The following KIF1C variants were observed in gnomAD, a reference collection of about 807,000 sequenced individuals.
KIF1C encodes kinesin family member 1C.
A neutral mutation model predicts 126.5 loss-of-function variants in KIF1C; 61 were observed. The observed-to-expected ratio is 0.48, with a 90% CI of 0.39 to 0.60. The LOEUF (loss-of-function observed/expected upper bound fraction) is 0.60, where lower values mean the gene tolerates loss of function less well. Ranked by LOEUF, KIF1C falls within the 20% of genes least tolerant of loss-of-function variation. The pLI, the probability that KIF1C is intolerant of heterozygous loss-of-function variation, is 0.00. For synonymous variants in KIF1C, 640 were observed against 580.6 expected (o/e 1.10, Z -1.47); for missense variants, 1,315 against 1,489.2 (o/e 0.88, Z 1.93).
In KIF1C at chr17:5,025,761, A is replaced by G. The variant is rs1328081584; in HGVS notation, c.*1610A>G. 1 of 152,246 alleles carries G rather than the reference A, an allele frequency of 6.6e-6. No individual in the cohort carries two copies. The highest frequency in any genetic ancestry group is 1.9e-4 in the East Asian group (1 of 5,188). The allele number at this position is 152,246 out of a possible 1,614,324, so 9.4% of individuals were successfully genotyped here. ...CATGAACCTGGGAGGCGGAGCTTGC[A>G]GTGAGCTGAGATTGCGCCACTGCAC... On this transcript the variant is annotated 3_prime_UTR_variant, in exon 23 of 23. Coordinates refer to ENST00000320785, the MANE Select transcript of KIF1C (RefSeq NM_006612.6).
At chr17:5,002,150 C>T (rs1360466673) in intron 6 of KIF1C, 26 bp downstream of exon 6, 1 of 1,605,408 alleles carries the variant, frequency 6.2e-7, no homozygotes, top group East Asian at 2.2e-5. Context: ...GGTGGCAGGG[C>T]TGAGAGGGGT....
Position 5,024,212 on chromosome 17 carries a change from G to T in KIF1C, c.*61G>T. ...CTTGCTAGGAGAAGGGAAGACGCCCGAGACGCTGCTTCCCCAGAAGTGCTG... is the reference window on the plus strand; with the variant it reads ...CTTGCTAGGAGAAGGGAAGACGCCCTAGACGCTGCTTCCCCAGAAGTGCTG... On this transcript the variant is annotated 3_prime_UTR_variant, in exon 23 of 23. Transcript: ENST00000320785. 8.2e-7 allele frequency: 1 copy of T among 1,218,104 alleles called. No homozygotes were observed. Among genetic ancestry groups the T allele is most frequent in the South Asian group, 1.4e-5 (1 of 71,726 alleles). The allele number at this position is 1,218,104 out of a possible 1,614,324, so 75.5% of individuals were successfully genotyped here.
At chr17:5,016,169 G>A (rs1286741854) in intron 18 of KIF1C, among the ~76,000 whole-genome samples, 8 of 148,412 alleles carry the variant, frequency 5.4e-5, no homozygotes, top group East Asian at 2.0e-4. Context: ...ATGGAGTCTC[G>A]CTGTGTCGTC....
Position 5,027,369 on chromosome 17 carries a change from ATCC to A in KIF1C, c.*3219_*3221del. 1 of 152,150 alleles carries A rather than the reference ATCC, an allele frequency of 6.6e-6. No individual in the cohort carries two copies. The highest frequency in any genetic ancestry group is 1.5e-5 in the Non-Finnish European group (1 of 68,042). 9.4% of individuals were successfully genotyped at this position (152,150 alleles called of 1,614,324 possible). On this transcript the variant is annotated 3_prime_UTR_variant, in exon 23 of 23. Transcript: ENST00000320785. ...GGTTTCGAATTCCTGACCTCAGGTGATCCACCCGCCTCTGCCTCCCAAAATGTT... is the reference window on the plus strand; with the variant it reads ...GGTTTCGAATTCCTGACCTCAGGTGAACCCGCCTCTGCCTCCCAAAATGTT...
rs755651054 is a variant in KIF1C, at chr17:5,023,874, A to G, written c.3035A>G (p.His1012Arg). ...PLQPPEEVTPHPATPARRPPS... is the reference protein window; with the variant it reads ...PLQPPEEVTPRPATPARRPPS... The stretch of plus-strand genomic sequence containing the variant: ...CAACCCCCTGAGGAGGTCACTCCCC[A>G]TCCAGCCACCCCTGCCCGCCGGCCT... The change falls in exon 23 of 23, where the codon CAT becomes CGT. Residue 1012 changes from histidine (H) to arginine (R), a missense_variant. Physicochemically the swap from His to Arg is conservative, Grantham distance 29. This residue lies in a region of KIF1C where 441 missense variants were observed against 436.1 expected (regional missense o/e 1.01). Transcript: ENST00000320785. The surrounding 1 kb of genome is among the most constrained non-coding windows in gnomAD (Gnocchi z 4.2). The G allele has an allele frequency of 1.9e-5, 29 of 1,531,928 alleles. No homozygotes were observed. The highest frequency in any genetic ancestry group is 2.5e-5 in the Non-Finnish European group (28 of 1,138,936). The allele number at this position is 1,531,928 out of a possible 1,614,324, so 94.9% of individuals were successfully genotyped here. A position where few individuals can be genotyped will look rare whatever the true frequency, so the allele number is the denominator to read the frequency against.
Position 5,020,579 on chromosome 17 carries a change from C to A in KIF1C, c.1838C>A (p.Pro613Gln). 6.2e-7 allele frequency: 1 copy of A among 1,614,254 alleles called. No individual in the cohort carries two copies. ...ARLERERGVP[P>Q]PPGPPSEPVD... ...CTGGAACGGGAACGAGGGGTCCCCC[C>A]ACCCCCAGGACCGCCCTCTGAGCCA... The change falls in exon 20 of 23, where the codon CCA becomes CAA. Residue 613 changes from proline (P) to glutamine (Q), a missense_variant. Physicochemically the swap from Pro to Gln is moderately conservative, Grantham distance 76. Transcript: ENST00000320785. This position sits in a 1 kb window ranked among gnomAD's most constrained non-coding sequence, Gnocchi z 5.8.
At position 5,028,370 on chromosome 17, in the gene KIF1C, T is replaced by C. The variant is rs1047558296; in HGVS notation, c.*4219T>C. 3.3e-5 allele frequency: 5 copies of C among 152,222 alleles called. No homozygotes were observed. Among genetic ancestry groups the C allele is most frequent in the Admixed American group, 6.6e-5 (1 of 15,258 alleles). 9.4% of individuals were successfully genotyped at this position (152,222 alleles called of 1,614,324 possible). A position where few individuals can be genotyped will look rare whatever the true frequency, so the allele number is the denominator to read the frequency against. On this transcript the variant is annotated 3_prime_UTR_variant, in exon 23 of 23. Transcript: ENST00000320785. ...TGTTGTTGTTGTCACCTGGAACTTT[T>C]GTATCTTGAATAAATTTGGGGATCA...
Position 5,022,110 on chromosome 17 carries a change from G to T in KIF1C, c.2029G>T (p.Gly677Trp), listed in dbSNP as rs1235493761. 1 of 1,606,784 alleles carries T rather than the reference G, an allele frequency of 6.2e-7. No individual in the cohort carries two copies. The part of the protein sequence containing the change: ...QQRLYADSDS[G>W]DDSDKRSCEE... Reference sequence around the variant, plus strand: ...GCCCCAGTATGCAGACTCGGACAGCGGGGATGACTCTGACAAGCGCTCTTG... The same window carrying T: ...GCCCCAGTATGCAGACTCGGACAGCTGGGATGACTCTGACAAGCGCTCTTG... Residue 677 changes from glycine to tryptophan, a missense_variant, in exon 22 of 23, where the codon GGG becomes TGG. By Grantham distance (184) the Gly-to-Trp change is radical. Transcript: ENST00000320785. The surrounding 1 kb of genome is among the most constrained non-coding windows in gnomAD (Gnocchi z 4.9).
intron 8 of KIF1C, among the ~76,000 whole-genome samples, 159 bp downstream of exon 8, chr17:5,003,001 C>T (rs1302296695): frequency 2.0e-5 from 3 of 151,832 alleles, no homozygotes; most frequent in East Asian, 1.9e-4. Flanking sequence ...CCTGTTTTTC[C>T]GTCAGATCAG....
intron 13 of KIF1C, among the ~76,000 whole-genome samples, 190 bp downstream of exon 13, chr17:5,005,190 A>G (rs1974698898): frequency 6.6e-6 from 1 of 152,234 alleles, no homozygotes. Flanking sequence ...GGGAGGGACT[A>G]ATTCTCTAGG....
At position 5,022,943 on chromosome 17, in the gene KIF1C, A is replaced by T. The variant is rs1345160595; in HGVS notation, c.2628+234A>T. ...TACTGAATCCACATCTTTGGGGACA[A>T]ATCTGCATTTATAATAAGCTCTGGG... is the stretch of plus-strand genomic sequence containing the variant. On this transcript the variant is annotated intron_variant, in intron 22 of 22. Coordinates refer to ENST00000320785, the MANE Select transcript of KIF1C (RefSeq NM_006612.6). The surrounding 1 kb of genome is among the most constrained non-coding windows in gnomAD (Gnocchi z 4.9). Among the ~76,000 whole-genome samples, 2 of 152,242 alleles carry T rather than the reference A, an allele frequency of 1.3e-5. No individual in the cohort carries two copies. Among genetic ancestry groups the T allele is most frequent in the Admixed American group, 6.5e-5 (1 of 15,292 alleles).
At chr17:5,007,999 A>G (rs191688057) in intron 16 of KIF1C, among the ~76,000 whole-genome samples, 2 of 152,286 alleles carry the variant, frequency 1.3e-5, no homozygotes, top group South Asian at 2.1e-4. Flanking sequence ...GCTTGGAGCT[A>G]TGCTGCAACT....
At position 5,007,467 on chromosome 17, in the gene KIF1C, A is replaced by G; in HGVS notation, c.1416A>G (p.Arg472=). Residue 472 remains arginine, a splice_region_variant and synonymous_variant, in exon 16 of 23, where the codon AGA becomes AGG. Coordinates refer to ENST00000320785, the MANE Select transcript of KIF1C (RefSeq NM_006612.6). ...ACATTTGCCTCTCCTCTGCCCACAG[A>G]GAAGCATTGCTGGCTGAGATGGGGG... ...LRKTEALRME[R]EALLAEMGVA... 1.3e-6 allele frequency: 2 copies of G among 1,593,968 alleles called. No individual in the cohort carries two copies. Among genetic ancestry groups the G allele is most frequent in the South Asian group, 1.1e-5 (1 of 88,954 alleles).
Position 5,013,496 on chromosome 17 carries a change from G to T in KIF1C, c.1492-157G>T, listed in dbSNP as rs187455960. ...AACGTCATCGGGGTGGAGGGATGAC[G>T]ATGGGAGGAGTACAGAGGGCAGGAG... On this transcript the variant is annotated intron_variant, in intron 16 of 22. Coordinates refer to ENST00000320785, the MANE Select transcript of KIF1C (RefSeq NM_006612.6). Among the ~76,000 whole-genome samples the T allele has an allele frequency of 1.1e-3, 175 of 152,240 alleles. 1 individual carries two copies. Among genetic ancestry groups the T allele is most frequent in the Non-Finnish European group, 4.1e-4 (28 of 67,996 alleles).
intron 21 of KIF1C, among the ~76,000 whole-genome samples, chr17:5,021,169 G>GTTTTTTTTTTTTTTTTTTTTTTTT (rs765920431): frequency 1.3e-5 from 1 of 77,370 alleles, no homozygotes; most frequent in Non-Finnish European, 2.4e-5. Flanking sequence ...GATTGTTGTG[G>GTTTTTTTTTTTTTTTTTTTTTTTT]TTTTTTTTTT....
At position 5,001,973 on chromosome 17, in the gene KIF1C, C is replaced by G. The variant is rs533430960; in HGVS notation, c.364-86C>G. 5.6e-6 allele frequency: 7 copies of G among 1,245,632 alleles called. No homozygotes were observed. In the East Asian group the frequency reaches 1.6e-4, roughly 29 times the overall value. The allele number at this position is 1,245,632 out of a possible 1,614,324, so 77.2% of individuals were successfully genotyped here. On this transcript the variant is annotated intron_variant, in intron 5 of 22. Transcript: ENST00000320785. ...CTGTAGCAAGGGTTAAATGGGGTCA[C>G]TTGGGACTGGGCCTGGCCTGTGGCT... is the stretch of plus-strand genomic sequence containing the variant.
At chr17:5,000,017 G>T in intron 2 of KIF1C, 47 bp downstream of exon 2, 3 of 542,908 alleles carry the variant, frequency 5.5e-6, no homozygotes, top group Non-Finnish European at 1.0e-5. Context: ...GAATATGGCT[G>T]GGGAGAGAGG....
chr17:5,004,615 T>C lies in KIF1C; in HGVS notation c.989T>C (p.Ile330Thr). Residue 330 changes from isoleucine (I) to threonine (T), a missense_variant, in exon 12 of 23, where the codon ATC becomes ACC. Transcript: ENST00000320785. ...AMIAALSPAD[I>T]NYEETLSTLR... Reference sequence around the variant, plus strand: ...ATTGCAGCCCTGAGCCCTGCTGACATCAATTACGAGGAGACTCTCAGCACC... The same window carrying C: ...ATTGCAGCCCTGAGCCCTGCTGACACCAATTACGAGGAGACTCTCAGCACC... The C allele has an allele frequency of 2.5e-6, 4 of 1,614,116 alleles. No homozygotes were observed. In the Admixed American group the frequency reaches 6.7e-5, roughly 27 times the overall value.
At chr17:5,021,898 C>G (rs1481640531) in intron 21 of KIF1C, among the ~76,000 whole-genome samples, 194 bp from the exon 22 acceptor site, 1 of 152,136 alleles carries the variant, frequency 6.6e-6, no homozygotes, top group African/African-American at 2.4e-5. Flanking sequence ...GGAGGTAGAT[C>G]CCGTCACTAT....
Sources: allele counts gnomAD v4.1 joint callset (sites outside exome capture counted in the v4.1 genomes callset), GRCh38; gene constraint gnomAD v4.1.1; regional missense constraint gnomAD v4.1.1; non-coding constraint Gnocchi (gnomAD v3.1); transcripts MANE v1.5; gene names NCBI Gene and HGNC (gene_info 2026-07-23, HGNC 2026-07-21).